The following PHC3 variants were observed in gnomAD, a reference collection of about 807,000 sequenced individuals.
PHC3 encodes polyhomeotic homolog 3.
In PHC3, 13 loss-of-function variants were observed where a neutral mutation model predicts 107.4. The observed-to-expected ratio is 0.12, with a 90% CI of 0.08 to 0.19. The LOEUF is 0.19. Ranked by LOEUF, PHC3 falls within the 10% of genes least tolerant of loss-of-function variation. The probability of loss-of-function intolerance (pLI) is 1.00; values close to 1 mark genes in which losing one functional copy is unlikely to be tolerated. For missense variants in PHC3, 992 were observed against 1,210.9 expected (o/e 0.82, Z 2.68); for synonymous variants, 456 against 427.4 (o/e 1.07, Z -0.83).
rs770750221 is a variant in PHC3, at chr3:170,102,467, T to C, written c.2833+12A>G. Reference sequence around the variant, plus strand: ...AAGAAAAATATTAAGGCCAAAGTGATGAATTACATACCAGGCAAAGAATGG... The same window carrying C: ...AAGAAAAATATTAAGGCCAAAGTGACGAATTACATACCAGGCAAAGAATGG... On this transcript the variant is annotated intron_variant, in intron 14 of 14. Coordinates refer to ENST00000495893, the MANE Select transcript of PHC3 (RefSeq NM_024947.4). 3.1e-6 allele frequency: 5 copies of C among 1,610,962 alleles called. No homozygotes were observed. Among genetic ancestry groups the C allele is most frequent in the Non-Finnish European group, 4.2e-6 (5 of 1,178,402 alleles).
chr3:170,169,259 T>A (rs1291436133), intron 4 of PHC3, among the ~76,000 whole-genome samples: 1 of 152,186 alleles, frequency 6.6e-6, no homozygotes, highest in East Asian at 1.9e-4. Context: ...AGCTGTTTTT[T>A]CTTCTGGAGA....
At position 170,087,846 on chromosome 3, in the gene PHC3, A is replaced by G. The variant is rs1713645751; in HGVS notation, c.*9384T>C. 6.6e-6 allele frequency: 1 copy of G among 152,186 alleles called. No individual in the cohort carries two copies. Among genetic ancestry groups the G allele is most frequent in the Non-Finnish European group, 1.5e-5 (1 of 68,022 alleles). The allele number at this position is 152,186 out of a possible 1,614,324, so 9.4% of individuals were successfully genotyped here. On this transcript the variant is annotated 3_prime_UTR_variant, in exon 15 of 15. Transcript: ENST00000495893. ...CCATCAACAAACATTTAAATGCTCA[A>G]TTTACTTCACTGAATACAGACACAA...
At chr3:170,178,750 AC>A in intron 2 of PHC3, 22 bp downstream of exon 2, 1 of 1,611,564 alleles carries the variant, frequency 6.2e-7, no homozygotes. Context: ...GTCTTAGACT[AC>A]CCATCACTAC....
chr3:170,095,764 G>A lies in PHC3; in HGVS notation c.*1466C>T, dbSNP rs1195819695. The A allele has an allele frequency of 6.6e-6, 1 of 152,038 alleles. No individual in the cohort carries two copies. Among genetic ancestry groups the A allele is most frequent in the African/African-American group, 2.4e-5 (1 of 41,416 alleles). The allele number at this position is 152,038 out of a possible 1,614,324, so 9.4% of individuals were successfully genotyped here. A position where few individuals can be genotyped will look rare whatever the true frequency, so the allele number is the denominator to read the frequency against. On this transcript the variant is annotated 3_prime_UTR_variant, in exon 15 of 15. Coordinates refer to ENST00000495893, the MANE Select transcript of PHC3 (RefSeq NM_024947.4). ...ATGTCCAGGACTATAAAGCTTTCAGGGCTTCCACAAACAATTTTGTTTTAG... is the reference window on the plus strand; with the variant it reads ...ATGTCCAGGACTATAAAGCTTTCAGAGCTTCCACAAACAATTTTGTTTTAG...
rs924061139 is a variant in PHC3 at position 170,095,946 on chromosome 3, T to G, written c.*1284A>C. 1 of 152,120 alleles carries G rather than the reference T, an allele frequency of 6.6e-6. No homozygotes were observed. Among genetic ancestry groups the G allele is most frequent in the East Asian group, 1.9e-4 (1 of 5,196 alleles). The allele number at this position is 152,120 out of a possible 1,614,324, so 9.4% of individuals were successfully genotyped here. A position where few individuals can be genotyped will look rare whatever the true frequency, so the allele number is the denominator to read the frequency against. ...AAACGTTTGGTAAAGGAAGTAGGAA[T>G]GTGCATTCTAGCTAGTCCCAGCATG... On this transcript the variant is annotated 3_prime_UTR_variant, in exon 15 of 15. Coordinates refer to ENST00000495893, the MANE Select transcript of PHC3 (RefSeq NM_024947.4).
chr3:170,145,578 C>A, intron 5 of PHC3, 57 bp from the exon 6 acceptor site: 1 of 1,245,196 alleles, frequency 8.0e-7, no homozygotes, highest in South Asian at 1.3e-5. Flanking sequence ...GTCCCACACA[C>A]AATGTGTAGC....
chr3:170,173,339 A>T (rs1478251011), intron 2 of PHC3, among the ~76,000 whole-genome samples: 1 of 152,232 alleles, frequency 6.6e-6, no homozygotes, highest in African/African-American at 2.4e-5. Flanking sequence ...TTTCAGATGG[A>T]TAAAGATTTA....
chr3:170,114,548 G>C (rs1001398833), intron 10 of PHC3, among the ~76,000 whole-genome samples: 3 of 152,158 alleles, frequency 2.0e-5, no homozygotes, highest in African/African-American at 7.2e-5. Flanking sequence ...CTGAATCCTA[G>C]TTTAGCAAAC....
chr3:170,107,435 C>A (rs1716763858), intron 11 of PHC3, among the ~76,000 whole-genome samples: 1 of 151,996 alleles, frequency 6.6e-6, no homozygotes, highest in Non-Finnish European at 1.5e-5. Flanking sequence ...TTTACAGGAG[C>A]ATGCAAAATA....
intron 11 of PHC3, among the ~76,000 whole-genome samples, chr3:170,108,770 A>G (rs570683897): frequency 6.6e-6 from 1 of 152,314 alleles, no homozygotes; most frequent in South Asian, 2.1e-4. Flanking sequence ...CACTGCCATT[A>G]GTTCCAGCCC....
chr3:170,089,283 A>C lies in PHC3; in HGVS notation c.*7947T>G, dbSNP rs886754883. ...GATGTTAACAAGTAAAGCTTTGTCA[A>C]CAGGAATTACAATGTGATTCACAGA... On this transcript the variant is annotated 3_prime_UTR_variant, in exon 15 of 15. Transcript: ENST00000495893. 6.6e-6 allele frequency: 1 copy of C among 152,226 alleles called. No homozygotes were observed. Among genetic ancestry groups the C allele is most frequent in the Admixed American group, 6.5e-5 (1 of 15,284 alleles). 9.4% of individuals were successfully genotyped at this position (152,226 alleles called of 1,614,324 possible).
intron 11 of PHC3, among the ~76,000 whole-genome samples, chr3:170,109,043 C>A (rs796598400): frequency 3.3e-5 from 5 of 152,256 alleles, no homozygotes; most frequent in African/African-American, 1.2e-4. Flanking sequence ...TTCAAAAATT[C>A]TTGTTCTAAT....
In PHC3 at chr3:170,136,402, CA is replaced by C. The variant is rs757307937; in HGVS notation, c.919+16del. The C allele has an allele frequency of 1.2e-6, 2 of 1,611,718 alleles. No homozygotes were observed. Among genetic ancestry groups the C allele is most frequent in the South Asian group, 2.2e-5 (2 of 90,362 alleles). ...AAATGAATAATACAACTATTTTCAA[CA>C]AAAGTTTTATCCCACCTGGTGCTAT... is the stretch of plus-strand genomic sequence containing the variant. On this transcript the variant is annotated intron_variant, in intron 7 of 14. Transcript: ENST00000495893.
Position 170,095,690 on chromosome 3 carries a change from A to G in PHC3, c.*1540T>C, listed in dbSNP as rs1214247881. On this transcript the variant is annotated 3_prime_UTR_variant, in exon 15 of 15. Coordinates refer to ENST00000495893, the MANE Select transcript of PHC3 (RefSeq NM_024947.4). The stretch of plus-strand genomic sequence containing the variant: ...ACTAAAATATCTCAATTGTGGTAAT[A>G]TAAGAAAAGATGAAAACAAAACATT... The G allele has an allele frequency of 6.6e-6, 1 of 152,202 alleles. No individual in the cohort carries two copies. The highest frequency in any genetic ancestry group is 1.9e-4 in the East Asian group (1 of 5,192). 9.4% of individuals were successfully genotyped at this position (152,202 alleles called of 1,614,324 possible).
Position 170,128,832 on chromosome 3 carries a change from T to A in PHC3, c.1640A>T (p.Gln547Leu). Residue 547 changes from glutamine (Q) to leucine (L), a missense_variant, in exon 8 of 15, where the codon CAG (glutamine) becomes CTG (leucine). Gln to Leu is a moderately radical substitution (Grantham distance 113, BLOSUM62 -2). This residue lies in a region of PHC3 where 543 missense variants were observed against 590.8 expected (regional missense o/e 0.92). Coordinates refer to ENST00000495893, the MANE Select transcript of PHC3 (RefSeq NM_024947.4). The part of the protein sequence containing the change: ...QVQPEILSQG[Q>L]VLVQNALVSE... ...CACCAAAGCATTCTGCACCAAAACC[T>A]GGCCCTGGGACAGAATTTCAGGCTG... is the stretch of plus-strand genomic sequence containing the variant. The A allele has an allele frequency of 1.2e-6, 2 of 1,614,034 alleles. No individual in the cohort carries two copies. The highest frequency in any genetic ancestry group is 1.7e-6 in the Non-Finnish European group (2 of 1,179,888).
rs528405308 is a variant in PHC3, at chr3:170,095,980, T to C, written c.*1250A>G. 7 of 152,228 alleles carry C rather than the reference T, an allele frequency of 4.6e-5. No individual in the cohort carries two copies. Among genetic ancestry groups the C allele is most frequent in the East Asian group, 3.9e-4 (2 of 5,170 alleles). The allele number at this position is 152,228 out of a possible 1,614,324, so 9.4% of individuals were successfully genotyped here. Reference sequence around the variant, plus strand: ...TAGCTAGTCCCAGCATGTTCAACAATAGAAAAAAATCCAAAGAGCAACCAC... The same window carrying C: ...TAGCTAGTCCCAGCATGTTCAACAACAGAAAAAAATCCAAAGAGCAACCAC... On this transcript the variant is annotated 3_prime_UTR_variant, in exon 15 of 15. Coordinates refer to ENST00000495893, the MANE Select transcript of PHC3 (RefSeq NM_024947.4).
chr3:170,179,372 C>A lies in PHC3; in HGVS notation c.15-434G>T, dbSNP rs150845229. 7.6e-3 allele frequency among the ~76,000 whole-genome samples: 1,150 copies of A among 152,282 alleles called. 18 individuals carry two copies. The highest frequency in any genetic ancestry group is 0.027 in the African/African-American group (1,106 of 41,568). On this transcript the variant is annotated intron_variant, in intron 1 of 14. Coordinates refer to ENST00000495893, the MANE Select transcript of PHC3 (RefSeq NM_024947.4). ...AGTCATTCTTACCTATACATTAGAACAGAATGCCTAGGGACTCATGTTAAC... is the reference window on the plus strand; with the variant it reads ...AGTCATTCTTACCTATACATTAGAAAAGAATGCCTAGGGACTCATGTTAAC...
chr3:170,162,408 A>G (rs1728039692), intron 4 of PHC3, among the ~76,000 whole-genome samples: 1 of 152,020 alleles, frequency 6.6e-6, no homozygotes, highest in Admixed American at 6.6e-5. Flanking sequence ...TTAGCTCCCA[A>G]TTTTTCCAGA....
At chr3:170,124,148 A>C (rs1185360917) in intron 8 of PHC3, among the ~76,000 whole-genome samples, 1 of 151,742 alleles carries the variant, frequency 6.6e-6, no homozygotes, top group Admixed American at 6.6e-5. Flanking sequence ...GCACCCGGCC[A>C]ATACCTTATT....
Sources: allele counts gnomAD v4.1 joint callset (sites outside exome capture counted in the v4.1 genomes callset), GRCh38; gene constraint gnomAD v4.1.1; regional missense constraint gnomAD v4.1.1; transcripts MANE v1.5; gene names NCBI Gene and HGNC (gene_info 2026-07-23, HGNC 2026-07-21).